EPHA6: variants seen among roughly 807,000 people sequenced by gnomAD.
EPHA6 encodes EPH receptor A6.
EPHA6 carries 50 observed loss-of-function variants against 112.0 expected under a neutral mutation model. The ratio of observed to expected loss-of-function variants is 0.45; its 90% CI spans 0.36 to 0.56. The LOEUF (loss-of-function observed/expected upper bound fraction) is 0.56. Ranked by LOEUF, EPHA6 falls within the 20% of genes least tolerant of loss-of-function variation. EPHA6 has a pLI of 0.00. For synonymous variants in EPHA6, 529 were observed against 490.7 expected, an observed-to-expected ratio of 1.08 and a Z score of -1.03; for missense variants, 1,280 against 1,417.4, an observed-to-expected ratio of 0.90 and a Z score of 1.56.
chr3:96,877,874 T>C (rs538578928), intron 2 of EPHA6, among the ~76,000 whole-genome samples: 55 of 151,088 alleles, frequency 3.6e-4, no homozygotes, highest in Non-Finnish European at 7.4e-4. Context: ...ATCAAAAGCA[T>C]GGAGTTAGGA....
chr3:97,564,805 G>A (rs1347255117), intron 11 of EPHA6, among the ~76,000 whole-genome samples: 1 of 152,140 alleles, frequency 6.6e-6, no homozygotes, highest in Non-Finnish European at 1.5e-5. Context: ...CAAGTTGTCA[G>A]CAGCTATTAT....
intron 5 of EPHA6, among the ~76,000 whole-genome samples, chr3:97,320,567 A>T (rs1414321784): frequency 2.0e-5 from 3 of 151,914 alleles, no homozygotes; most frequent in African/African-American, 7.3e-5. Context: ...TCCACAGAGA[A>T]ATAAAAGGTC....
intron 13 of EPHA6, among the ~76,000 whole-genome samples, chr3:97,630,922 C>G (rs1324420290): frequency 1.3e-5 from 2 of 151,960 alleles, no homozygotes; most frequent in Non-Finnish European, 1.5e-5. Context: ...GAGTTTAGGT[C>G]TTTTTCCACC....
chr3:97,457,080 A>G (rs1275343419), intron 7 of EPHA6, among the ~76,000 whole-genome samples: 3 of 152,204 alleles, frequency 2.0e-5, no homozygotes, highest in African/African-American at 7.2e-5. Context: ...TTATATTAAT[A>G]ACAGTATGGA....
intron 14 of EPHA6, among the ~76,000 whole-genome samples, chr3:97,638,621 A>G (rs1460871683): frequency 6.6e-6 from 1 of 152,170 alleles, no homozygotes; most frequent in African/African-American, 2.4e-5. Context: ...CAAATTTAAA[A>G]CTTTAGAACC....
intron 2 of EPHA6, among the ~76,000 whole-genome samples, chr3:96,871,757 G>T (rs1183744224): frequency 6.6e-6 from 1 of 151,904 alleles, no homozygotes; most frequent in Non-Finnish European, 1.5e-5. Flanking sequence ...ATGATCTTTA[G>T]CTGTGAATAC....
intron 3 of EPHA6, among the ~76,000 whole-genome samples, chr3:97,180,319 C>T (rs1235325401): frequency 2.6e-5 from 4 of 152,056 alleles, no homozygotes; most frequent in African/African-American, 9.7e-5. Context: ...TCCAGAAATA[C>T]CATCCAATTA....
At chr3:96,979,535 G>A (rs2042671171) in intron 2 of EPHA6, among the ~76,000 whole-genome samples, 4 of 152,164 alleles carry the variant, frequency 2.6e-5, no homozygotes, top group Admixed American at 2.6e-4. Flanking sequence ...CTTTATAGCA[G>A]CATGATTTAT....
rs78825239 is a variant in EPHA6 at position 97,402,582 on chromosome 3, A to C, written c.1607-2568A>C. On this transcript the variant is annotated intron_variant, in intron 5 of 17. Coordinates refer to ENST00000389672, the MANE Select transcript of EPHA6 (RefSeq NM_001080448.3). ...GTACATAGTTAGGTCTTGTTTTTTT[A>C]AGCGGTCTTGTTGTGTTTCTACAGT... 8.6e-3 allele frequency among the ~76,000 whole-genome samples: 1,311 copies of C among 152,054 alleles called. 19 individuals are homozygous for C. The highest frequency in any genetic ancestry group is 0.029 in the African/African-American group (1,223 of 41,502).
intron 5 of EPHA6, among the ~76,000 whole-genome samples, chr3:97,365,827 T>C (rs879907185): frequency 4.6e-5 from 7 of 152,226 alleles, no homozygotes; most frequent in South Asian, 2.1e-4. Flanking sequence ...CCTTGGTTAA[T>C]TTTTTTCAGT....
chr3:97,397,022 A>G (rs193244972), intron 5 of EPHA6, among the ~76,000 whole-genome samples: 52 of 151,876 alleles, frequency 3.4e-4, no homozygotes, highest in Non-Finnish European at 3.5e-4. Flanking sequence ...ATTTAAAACC[A>G]TTTCAGCTAT....
chr3:97,212,878 C>A (rs1182959863), intron 3 of EPHA6, among the ~76,000 whole-genome samples: 1 of 152,050 alleles, frequency 6.6e-6, no homozygotes. Flanking sequence ...ACCCCTGTTT[C>A]TAAGTTCATG....
chr3:97,379,163 C>T (rs982174270), intron 5 of EPHA6, among the ~76,000 whole-genome samples: 2 of 152,104 alleles, frequency 1.3e-5, no homozygotes, highest in Admixed American at 6.5e-5. Flanking sequence ...AAGTCTCACA[C>T]TATCTGATGG....
intron 5 of EPHA6, among the ~76,000 whole-genome samples, chr3:97,365,554 G>A (rs1435696083): frequency 1.3e-5 from 2 of 151,936 alleles, no homozygotes; most frequent in East Asian, 3.9e-4. Context: ...GCTAATTTTT[G>A]TATTTTTGTA....
chr3:97,218,528 T>G (rs1403076325), intron 3 of EPHA6, among the ~76,000 whole-genome samples: 1 of 152,000 alleles, frequency 6.6e-6, no homozygotes, highest in East Asian at 1.9e-4. Flanking sequence ...TATAAAACTA[T>G]CAGATCTTGT....
chr3:97,031,142 C>A (rs1306320629), intron 3 of EPHA6, among the ~76,000 whole-genome samples: 1 of 152,014 alleles, frequency 6.6e-6, no homozygotes, highest in Non-Finnish European at 1.5e-5. Flanking sequence ...AATAATGCTG[C>A]ATATCTACAA....
In EPHA6 at chr3:97,520,036, C is replaced by T. The variant is rs535591037; in HGVS notation, c.2201-12322C>T. 7.4e-5 allele frequency among the ~76,000 whole-genome samples: 11 copies of T among 147,894 alleles called. No homozygotes were observed. The East Asian group carries it at 2.0e-3, about 27-fold the overall frequency. Reference sequence around the variant, plus strand: ...AGGCTGGAGTGCAGTGGTATGATCTCGGCTCACTGCAAGCTCTGCCTCCCG... The same window carrying T: ...AGGCTGGAGTGCAGTGGTATGATCTTGGCTCACTGCAAGCTCTGCCTCCCG... On this transcript the variant is annotated intron_variant, in intron 10 of 17. Transcript: ENST00000389672.
At chr3:97,455,879 A>G (rs536544716) in intron 7 of EPHA6, among the ~76,000 whole-genome samples, 7 of 152,194 alleles carry the variant, frequency 4.6e-5, no homozygotes, top group African/African-American at 9.6e-5. Context: ...TTTTATTTCA[A>G]TTATGCCTAG....
chr3:96,927,021 C>A (rs1478720963), intron 2 of EPHA6, among the ~76,000 whole-genome samples: 1 of 152,228 alleles, frequency 6.6e-6, no homozygotes, highest in Non-Finnish European at 1.5e-5. Context: ...CTGCAGCAGA[C>A]TTTATACTGG....
Sources: allele counts gnomAD v4.1 joint callset (sites outside exome capture counted in the v4.1 genomes callset), GRCh38; gene constraint gnomAD v4.1.1; transcripts MANE v1.5; gene names NCBI Gene and HGNC (gene_info 2026-07-23, HGNC 2026-07-21).